SGCZ: variants seen among roughly 807,000 people sequenced by gnomAD.
SGCZ encodes the protein zeta-sarcoglycan.
In SGCZ, 40 loss-of-function variants were observed where a neutral mutation model predicts 41.3. The observed-to-expected ratio is 0.97, with a 90% CI of 0.75 to 1.26. The LOEUF (loss-of-function observed/expected upper bound fraction) is 1.26, where lower values mean the gene tolerates loss of function less well. SGCZ is among the 50% of genes most tolerant of loss of function. SGCZ has a pLI of 0.00. For synonymous variants in SGCZ, 206 were observed against 137.5 expected, an observed-to-expected ratio of 1.50 and a Z score of -3.49; for missense variants, 552 against 369.8, an observed-to-expected ratio of 1.49 and a Z score of -4.04.
chr8:14,448,299 C>T lies in SGCZ; in HGVS notation c.234+106433G>A, dbSNP rs1389981810. The stretch of plus-strand genomic sequence containing the variant: ...CATATTAAGAAATCATCAAAACGAA[C>T]TGCATGGCAGAAACTTTTCTGATAT... On this transcript the variant is annotated intron_variant, in intron 2 of 7. Transcript: ENST00000382080. Among the ~76,000 whole-genome samples, 7 of 152,170 alleles carry T rather than the reference C, an allele frequency of 4.6e-5. No individual in the cohort carries two copies. In the East Asian group the frequency reaches 9.7e-4, roughly 21 times the overall value.
At chr8:14,439,637 A>C (rs543283197) in intron 2 of SGCZ, among the ~76,000 whole-genome samples, 1 of 152,104 alleles carries the variant, frequency 6.6e-6, no homozygotes, top group South Asian at 2.1e-4. Context: ...TAAAAAAATC[A>C]ATCAATATAA....
intron 2 of SGCZ, among the ~76,000 whole-genome samples, chr8:14,545,163 T>C (rs565659960): frequency 9.9e-5 from 15 of 152,092 alleles, no homozygotes; most frequent in Non-Finnish European, 1.9e-4. Flanking sequence ...ATTGGGGGCA[T>C]GTCCCCCAAT....
intron 2 of SGCZ, among the ~76,000 whole-genome samples, chr8:14,388,535 T>A (rs558394133): frequency 1.3e-5 from 2 of 152,172 alleles, no homozygotes; most frequent in Non-Finnish European, 2.9e-5. Context: ...TAAAATTCAC[T>A]GGTCTCAGCA....
chr8:15,112,139 A>G (rs1807091567), intron 1 of SGCZ, among the ~76,000 whole-genome samples: 1 of 152,170 alleles, frequency 6.6e-6, no homozygotes, highest in Admixed American at 6.5e-5. Context: ...TCTATTTTGC[A>G]ATATTAGTTA....
chr8:14,457,491 G>A lies in SGCZ; in HGVS notation c.234+97241C>T, dbSNP rs187521357. Among the ~76,000 whole-genome samples, 718 of 152,298 alleles carry A rather than the reference G, an allele frequency of 4.7e-3. 8 individuals are homozygous for A. The highest frequency in any genetic ancestry group is 0.016 in the African/African-American group (664 of 41,560). ...AAGACTCTGCTCCTCCAACTCTTGT[G>A]GAGGGCCTGACATCAGTCAGGCTTG... On this transcript the variant is annotated intron_variant, in intron 2 of 7. Coordinates refer to ENST00000382080, the MANE Select transcript of SGCZ (RefSeq NM_139167.4).
chr8:14,429,146 T>G (rs1457363500), intron 2 of SGCZ, among the ~76,000 whole-genome samples: 1 of 152,164 alleles, frequency 6.6e-6, no homozygotes, highest in Non-Finnish European at 1.5e-5. Context: ...TCTACATCCT[T>G]GTGGGCTGAT....
chr8:14,995,225 A>T (rs1416241920), intron 1 of SGCZ, among the ~76,000 whole-genome samples: 1 of 152,268 alleles, frequency 6.6e-6, no homozygotes, highest in African/African-American at 2.4e-5. Flanking sequence ...TGGAAAGCTC[A>T]CGCTGGTAGC....
At chr8:14,405,991 C>T (rs1366841681) in intron 2 of SGCZ, among the ~76,000 whole-genome samples, 1 of 152,112 alleles carries the variant, frequency 6.6e-6, no homozygotes, top group Non-Finnish European at 1.5e-5. Flanking sequence ...CATGTAAATA[C>T]AAGTAGCCAA....
chr8:14,762,562 T>G (rs1186221690), intron 1 of SGCZ, among the ~76,000 whole-genome samples: 3 of 152,222 alleles, frequency 2.0e-5, no homozygotes, highest in Non-Finnish European at 4.4e-5. Context: ...TGCTGAGAGC[T>G]TTGTTAATTG....
At chr8:14,400,814 C>A (rs1361829322) in intron 2 of SGCZ, among the ~76,000 whole-genome samples, 1 of 151,944 alleles carries the variant, frequency 6.6e-6, no homozygotes, top group African/African-American at 2.4e-5. Flanking sequence ...AGAATTGAAT[C>A]CATAGAGTAC....
intron 2 of SGCZ, among the ~76,000 whole-genome samples, chr8:14,403,822 C>T (rs1799141221): frequency 6.6e-6 from 1 of 152,006 alleles, no homozygotes; most frequent in African/African-American, 2.4e-5. Flanking sequence ...GCTGTGGTAA[C>T]TGGAGATAAA....
Position 14,712,557 on chromosome 8 carries a change from G to T in SGCZ, c.40-157631C>A, listed in dbSNP as rs564193842. ...AAATATTAGCAAAGTAATTCTTTTG[G>T]GGGGAGACAAATGGTATCTCTGAGA... On this transcript the variant is annotated intron_variant, in intron 1 of 7. Coordinates refer to ENST00000382080, the MANE Select transcript of SGCZ (RefSeq NM_139167.4). 5.3e-5 allele frequency among the ~76,000 whole-genome samples: 8 copies of T among 152,022 alleles called. No individual in the cohort carries two copies. The East Asian group carries it at 7.7e-4, about 15-fold the overall frequency.
chr8:14,692,309 T>C (rs1026310543), intron 1 of SGCZ, among the ~76,000 whole-genome samples: 1 of 152,052 alleles, frequency 6.6e-6, no homozygotes, highest in Non-Finnish European at 1.5e-5. Context: ...TAATTATAGA[T>C]ATTGTTTAGG....
chr8:15,008,094 G>C (rs1246281526), intron 1 of SGCZ, among the ~76,000 whole-genome samples: 1 of 151,996 alleles, frequency 6.6e-6, no homozygotes, highest in African/African-American at 2.4e-5. Context: ...AAGATCTTTA[G>C]TCTAAGTCTT....
chr8:14,450,631 A>T (rs913634605), intron 2 of SGCZ, among the ~76,000 whole-genome samples: 1 of 152,334 alleles, frequency 6.6e-6, no homozygotes, highest in Admixed American at 6.5e-5. Context: ...TTTTAAAAAA[A>T]GTATGAGGAT....
intron 2 of SGCZ, among the ~76,000 whole-genome samples, chr8:14,528,788 A>G (rs900410366): frequency 2.0e-5 from 3 of 147,718 alleles, no homozygotes; most frequent in African/African-American, 7.7e-5. Flanking sequence ...AATTCCTTGC[A>G]CTACTGTCTT....
At chr8:14,261,958 G>A (rs1022412203) in intron 3 of SGCZ, among the ~76,000 whole-genome samples, 5 of 152,076 alleles carry the variant, frequency 3.3e-5, no homozygotes, top group African/African-American at 4.8e-5. Flanking sequence ...TTACTCACAC[G>A]AGTTGAAAGA....
At chr8:14,477,072 C>G (rs1365353143) in intron 2 of SGCZ, among the ~76,000 whole-genome samples, 3 of 152,184 alleles carry the variant, frequency 2.0e-5, no homozygotes, top group African/African-American at 4.8e-5. Flanking sequence ...TAATTAAACC[C>G]TACTTATTCT....
chr8:14,110,915 G>A (rs1216467026), intron 5 of SGCZ, among the ~76,000 whole-genome samples: 1 of 151,990 alleles, frequency 6.6e-6, no homozygotes, highest in Non-Finnish European at 1.5e-5. Context: ...AAATTAGCTG[G>A]GCATGGTGGT....
Sources: allele counts gnomAD v4.1 joint callset (sites outside exome capture counted in the v4.1 genomes callset), GRCh38; gene constraint gnomAD v4.1.1; transcripts MANE v1.5; gene names NCBI Gene and HGNC (gene_info 2026-07-23, HGNC 2026-07-21).